Variants in ECE1 observed in about 807,000 individuals in gnomAD.
ECE1 encodes the protein endothelin converting enzyme 1.
Under a neutral mutation model 98.6 loss-of-function variants are expected in ECE1, and 35 were observed. That is an observed-to-expected ratio of 0.35 (90% CI 0.27 to 0.47). The LOEUF (loss-of-function observed/expected upper bound fraction) is 0.47, where lower values mean the gene tolerates loss of function less well. Among genes scored for constraint, ECE1 ranks in the 20% least tolerant of loss-of-function variants. The pLI is 1.00. For missense variants in ECE1, 814 were observed against 1,025.3 expected (o/e 0.79, Z 2.81); for synonymous variants, 394 against 407.1 (o/e 0.97, Z 0.39).
chr1:21,301,753 G>C (rs1351744170), intron 1 of ECE1, among the ~76,000 whole-genome samples: 1 of 148,804 alleles, frequency 6.7e-6, no homozygotes, highest in Non-Finnish European at 1.5e-5. Context: ...TTGAACCCAG[G>C]AGGTGGAGGT....
chr1:21,266,538 T>G (rs1558400087), intron 4 of ECE1: 1 of 152,214 alleles, frequency 6.6e-6, no homozygotes, highest in East Asian at 1.9e-4. Flanking sequence ...CCTGGTCCCC[T>G]GAGGCGGATA....
Position 21,345,258 on chromosome 1 carries a change from G to A in ECE1, c.3+118C>T. ...CGAGAGCCGGGCGGGGGCTGCTGCT[G>A]CAGCCGGCGCCCAGCCCCCCGCGAG... On this transcript the variant is annotated intron_variant, in intron 1 of 18. Transcript: ENST00000415912. This position sits in a 1 kb window ranked among gnomAD's most constrained non-coding sequence, Gnocchi z 5.1. The A allele has an allele frequency of 8.5e-7, 1 of 1,183,264 alleles. No individual in the cohort carries two copies. Among genetic ancestry groups the A allele is most frequent in the Non-Finnish European group, 1.0e-6 (1 of 957,314 alleles). 73.3% of individuals were successfully genotyped at this position (1,183,264 alleles called of 1,614,324 possible).
rs1443461465 is a variant in ECE1, at chr1:21,235,954, G to A, written c.1489-27C>T. On this transcript the variant is annotated intron_variant, in intron 12 of 18. Transcript: ENST00000374893. This position sits in a 1 kb window ranked among gnomAD's most constrained non-coding sequence, Gnocchi z 4.2. The stretch of plus-strand genomic sequence containing the variant: ...TGGACAGGACAGACAGAGGAAGTGA[G>A]TGCCCGGCAACATCGACCAGGCCAG... The A allele has an allele frequency of 6.2e-7, 1 of 1,609,732 alleles. No individual in the cohort carries two copies. Among genetic ancestry groups the A allele is most frequent in the East Asian group, 2.2e-5 (1 of 44,870 alleles).
intron 17 of ECE1, among the ~76,000 whole-genome samples, chr1:21,224,533 G>A (rs1362165767): frequency 6.6e-6 from 1 of 152,130 alleles, no homozygotes; most frequent in Non-Finnish European, 1.5e-5. Flanking sequence ...TAATTGTAAA[G>A]CTGCTGGGAA....
rs1236323427 is a variant in ECE1, at chr1:21,236,660, C to CA, written c.1488+85dup. 5.2e-6 allele frequency: 7 copies of CA among 1,347,704 alleles called. No individual in the cohort carries two copies. The Middle Eastern group carries it at 7.3e-4, about 140-fold the overall frequency. 83.5% of individuals were successfully genotyped at this position (1,347,704 alleles called of 1,614,324 possible). ...ACGAAACTCTGCCTCAAAAAACAAA[C>CA]AAAAAAACCGGCCTCTCCTTCCCCC... is the stretch of plus-strand genomic sequence containing the variant. On this transcript the variant is annotated intron_variant, in intron 12 of 18. Transcript: ENST00000374893.
intron 10 of ECE1, among the ~76,000 whole-genome samples, chr1:21,244,316 C>T (rs1376347795): frequency 6.6e-6 from 1 of 152,196 alleles, no homozygotes; most frequent in African/African-American, 2.4e-5. Flanking sequence ...GGGGTACAGA[C>T]CCCAGCTCAC....
chr1:21,343,401 G>C (rs1639440067), intron 1 of ECE1, among the ~76,000 whole-genome samples: 1 of 152,166 alleles, frequency 6.6e-6, no homozygotes, highest in African/African-American at 2.4e-5. Flanking sequence ...GGTGGCCTCT[G>C]TCCCTGTGCT....
chr1:21,317,778 T>C (rs1462642277), intron 1 of ECE1, among the ~76,000 whole-genome samples: 1 of 152,142 alleles, frequency 6.6e-6, no homozygotes, highest in Admixed American at 6.5e-5. Flanking sequence ...ACAGATCCTC[T>C]GGAGACGCAC....
chr1:21,275,585 G>C (rs1440373807), intron 3 of ECE1, among the ~76,000 whole-genome samples: 2 of 152,208 alleles, frequency 1.3e-5, no homozygotes, highest in Admixed American at 1.3e-4. Flanking sequence ...ACAAGAGTGA[G>C]ACTCTGTCTC....
At chr1:21,222,007 G>A (rs1485904974) in intron 17 of ECE1, 165 bp from the exon 18 acceptor site, 42 of 703,384 alleles carry the variant, frequency 6.0e-5, no homozygotes, top group Non-Finnish European at 9.8e-5. Context: ...ATGTGCACTC[G>A]TTTAGCCCTA....
At chr1:21,333,580 C>T (rs1382130406) in intron 1 of ECE1, among the ~76,000 whole-genome samples, 3 of 152,166 alleles carry the variant, frequency 2.0e-5, no homozygotes, top group Non-Finnish European at 4.4e-5. Flanking sequence ...GCCCATAATC[C>T]CAACTTCTTT....
rs1160002214 is a variant in ECE1 at position 21,260,407 on chromosome 1, A to T, written c.494-15T>A. On this transcript the variant is annotated splice_polypyrimidine_tract_variant and intron_variant, in intron 4 of 18. Coordinates refer to ENST00000374893, the MANE Select transcript of ECE1 (RefSeq NM_001397.3). This position sits in a 1 kb window ranked among gnomAD's most constrained non-coding sequence, Gnocchi z 4.3. ...CGTGGAGTTTTCTGGAACAACAGAC[A>T]GTGGAGTTTGCAATGCGGCCCCACT... 1 of 1,614,076 alleles carries T rather than the reference A, an allele frequency of 6.2e-7. No homozygotes were observed. The highest frequency in any genetic ancestry group is 1.3e-5 in the African/African-American group (1 of 74,942).
intron 1 of ECE1, among the ~76,000 whole-genome samples, chr1:21,334,973 C>T (rs1183983092): frequency 6.6e-6 from 1 of 152,138 alleles, no homozygotes; most frequent in Non-Finnish European, 1.5e-5. Flanking sequence ...ACGTGGGGTC[C>T]TCCAGTGGCT....
intron 1 of ECE1, among the ~76,000 whole-genome samples, chr1:21,320,166 T>G (rs922124214): frequency 2.6e-5 from 4 of 152,224 alleles, no homozygotes; most frequent in African/African-American, 9.6e-5. Flanking sequence ...ATTCTCCCCA[T>G]GGATTCTGTT....
chr1:21,235,969 G>T lies in ECE1; in HGVS notation c.1489-42C>A, dbSNP rs868054267. On this transcript the variant is annotated intron_variant, in intron 12 of 18. Transcript: ENST00000374893. The surrounding 1 kb of genome is among the most constrained non-coding windows in gnomAD (Gnocchi z 4.2). ...GAGGAAGTGAGTGCCCGGCAACATCGACCAGGCCAGCCTGAGCAACTTGGG... is the reference window on the plus strand; with the variant it reads ...GAGGAAGTGAGTGCCCGGCAACATCTACCAGGCCAGCCTGAGCAACTTGGG... 1.3e-6 allele frequency: 2 copies of T among 1,591,524 alleles called. No individual in the cohort carries two copies. The highest frequency in any genetic ancestry group is 2.2e-5 in the South Asian group (2 of 90,568).
rs1388216003 is a variant in ECE1, at chr1:21,319,490, A to C, written c.3+25886T>G. Among the ~76,000 whole-genome samples, 1 of 151,258 alleles carries C rather than the reference A, an allele frequency of 6.6e-6. No individual in the cohort carries two copies. The highest frequency in any genetic ancestry group is 1.5e-5 in the Non-Finnish European group (1 of 67,762). ...TAAATGCCGGCTCCATGCTGCCCCC[A>C]CCTCTGTCCACCAGGGCACCCCCGG... is the stretch of plus-strand genomic sequence containing the variant. On this transcript the variant is annotated intron_variant, in intron 1 of 18. Transcript: ENST00000415912. This position sits in a 1 kb window ranked among gnomAD's most constrained non-coding sequence, Gnocchi z 4.4.
At chr1:21,242,489 CTT>C (rs1301331056) in intron 10 of ECE1, among the ~76,000 whole-genome samples, 1 of 152,184 alleles carries the variant, frequency 6.6e-6, no homozygotes, top group Non-Finnish European at 1.5e-5. Flanking sequence ...TAGGAGGTGG[CTT>C]TGAGTTGGGC....
chr1:21,250,529 CTT>C (rs1558386826), intron 8 of ECE1, among the ~76,000 whole-genome samples: 1 of 152,204 alleles, frequency 6.6e-6, no homozygotes, highest in Non-Finnish European at 1.5e-5. Flanking sequence ...TCCAAATTCT[CTT>C]TTGTTTTCTT....
chr1:21,270,303 A>G (rs1067215), intron 4 of ECE1, among the ~76,000 whole-genome samples: 4 of 152,182 alleles, frequency 2.6e-5, no homozygotes, highest in Non-Finnish European at 5.9e-5. Flanking sequence ...TCTAAAGAGC[A>G]TGGTACAGTG....
Sources: allele counts gnomAD v4.1 joint callset (sites outside exome capture counted in the v4.1 genomes callset), GRCh38; gene constraint gnomAD v4.1.1; non-coding constraint Gnocchi (gnomAD v3.1); transcripts MANE v1.5; gene names NCBI Gene and HGNC (gene_info 2026-07-23, HGNC 2026-07-21).